TMEM63C: variants seen among roughly 807,000 people sequenced by gnomAD.
TMEM63C encodes transmembrane protein 63C.
Under a neutral mutation model 99.2 loss-of-function variants are expected in TMEM63C, and 32 were observed. The observed-to-expected ratio is 0.32, with a 90% CI of 0.24 to 0.43. TMEM63C has a LOEUF of 0.43. Ranked by LOEUF, TMEM63C falls within the 20% of genes least tolerant of loss-of-function variation. The pLI is 1.00. For synonymous variants in TMEM63C, 376 were observed against 397.9 expected (o/e 0.94, Z 0.66); for missense variants, 826 against 1,053.0 (o/e 0.78, Z 2.98).
At chr14:77,223,828 G>A (rs1888769710) in intron 5 of TMEM63C, among the ~76,000 whole-genome samples, 1 of 152,144 alleles carries the variant, frequency 6.6e-6, no homozygotes, top group Non-Finnish European at 1.5e-5. Context: ...CCAGGAAGAT[G>A]TGTCCCCAGT....
At chr14:77,189,627 A>G (rs1340554508) in intron 1 of TMEM63C, among the ~76,000 whole-genome samples, 4 of 152,234 alleles carry the variant, frequency 2.6e-5, no homozygotes, top group Admixed American at 1.3e-4. Context: ...CGGAATGTTT[A>G]CATTTGTTAA....
At chr14:77,240,337 G>A in intron 12 of TMEM63C, 138 bp from the exon 13 acceptor site, 1 of 984,582 alleles carries the variant, frequency 1.0e-6, no homozygotes, top group Non-Finnish European at 1.4e-6. Flanking sequence ...GACTTTGGAG[G>A]CCAGCCAGGG....
Position 77,240,554 on chromosome 14 carries a change from T to C in TMEM63C, c.1010T>C (p.Leu337Pro). 1 of 1,611,836 alleles carries C rather than the reference T, an allele frequency of 6.2e-7. No homozygotes were observed. The highest frequency in any genetic ancestry group is 8.5e-7 in the Non-Finnish European group (1 of 1,179,860). The change falls in exon 13 of 24, where the codon CTC becomes CCC. Residue 337 changes from leucine (L) to proline (P), a missense_variant. By Grantham distance (98) the Leu-to-Pro change is moderately conservative (BLOSUM62 -3). Transcript: ENST00000298351. ...AACGCCGAGCTCAACCGCGTGCCGC[T>C]CAAGCGGCTGGACCTGATCTTTGTC... The part of the protein sequence containing the change: ...EFNAELNRVP[L>P]KRLDLIFVTF...
intron 1 of TMEM63C, among the ~76,000 whole-genome samples, chr14:77,183,941 G>C (rs1448051172): frequency 6.6e-6 from 1 of 152,194 alleles, no homozygotes; most frequent in South Asian, 2.1e-4. Context: ...TCAGGCCTCA[G>C]AGAGGCCCCG....
intron 6 of TMEM63C, among the ~76,000 whole-genome samples, chr14:77,228,525 T>C (rs538066927): frequency 6.7e-6 from 1 of 149,564 alleles, no homozygotes; most frequent in African/African-American, 2.5e-5. Flanking sequence ...TTTGTAGTAT[T>C]GTTTAAAAAT....
intron 8 of TMEM63C, 52 bp from the exon 9 acceptor site, chr14:77,236,572 G>T: frequency 1.5e-6 from 2 of 1,321,228 alleles, no homozygotes; most frequent in Non-Finnish European, 2.2e-6. Context: ...TGTGCAGTGG[G>T]CTCTGGGGAG....
intron 23 of TMEM63C, among the ~76,000 whole-genome samples, chr14:77,253,889 CT>C: frequency 6.6e-6 from 1 of 152,220 alleles, no homozygotes; most frequent in Non-Finnish European, 1.5e-5. Context: ...GGTGCTGTCT[CT>C]CACACAGTGG....
In TMEM63C at chr14:77,258,043, G is replaced by A. The variant is rs1263515373; in HGVS notation, c.*1317G>A. The A allele has an allele frequency of 6.6e-6, 1 of 152,356 alleles. No homozygotes were observed. Among genetic ancestry groups the A allele is most frequent in the African/African-American group, 2.4e-5 (1 of 41,460 alleles). The allele number at this position is 152,356 out of a possible 1,614,324, so 9.4% of individuals were successfully genotyped here. A position where few individuals can be genotyped will look rare whatever the true frequency, so the allele number is the denominator to read the frequency against. Reference sequence around the variant, plus strand: ...AGTGATGGTGACACTCAGCACCTTTGCCACAGCCGGGGGGAACCGGCTTCT... The same window carrying A: ...AGTGATGGTGACACTCAGCACCTTTACCACAGCCGGGGGGAACCGGCTTCT... On this transcript the variant is annotated 3_prime_UTR_variant, in exon 24 of 24. Transcript: ENST00000298351.
intron 13 of TMEM63C, among the ~76,000 whole-genome samples, chr14:77,241,472 C>G (rs1889174698): frequency 6.6e-6 from 1 of 152,062 alleles, no homozygotes. Context: ...TAAAGGAGCT[C>G]CAGAATTTAT....
At chr14:77,227,991 G>T (rs1449947519) in intron 6 of TMEM63C, among the ~76,000 whole-genome samples, 1 of 152,170 alleles carries the variant, frequency 6.6e-6, no homozygotes, top group Non-Finnish European at 1.5e-5. Context: ...ACTTGAGCCT[G>T]GTTGTAGTTT....
intron 1 of TMEM63C, among the ~76,000 whole-genome samples, chr14:77,212,952 C>T (rs74069514): frequency 0.02 from 3,015 of 152,320 alleles, 99 homozygotes; most frequent in African/African-American, 0.07. Context: ...TCCCTAACCC[C>T]AAAGGCTGGG....
At chr14:77,227,481 A>C (rs1378531175) in intron 6 of TMEM63C, among the ~76,000 whole-genome samples, 1 of 152,224 alleles carries the variant, frequency 6.6e-6, no homozygotes, top group Non-Finnish European at 1.5e-5. Flanking sequence ...CTGACAAAGG[A>C]GCTGTTGAAA....
intron 12 of TMEM63C, 38 bp from the exon 13 acceptor site, chr14:77,240,437 G>A: frequency 1.9e-6 from 3 of 1,587,090 alleles, no homozygotes; most frequent in Admixed American, 1.7e-5. Context: ...CCTTCCTGGG[G>A]CTCTGGCCCC....
chr14:77,253,677 A>G (rs1889412684), intron 23 of TMEM63C, among the ~76,000 whole-genome samples: 1 of 152,246 alleles, frequency 6.6e-6, no homozygotes, highest in Non-Finnish European at 1.5e-5. Context: ...TCGGTCATGT[A>G]GACGCAGGGG....
At chr14:77,253,435 C>G (rs1372437543) in intron 23 of TMEM63C, 59 bp downstream of exon 23, 4 of 1,502,452 alleles carry the variant, frequency 2.7e-6, no homozygotes, top group African/African-American at 2.8e-5. Context: ...ATGGTCTACT[C>G]TAGTGGCATT....
At chr14:77,247,216 T>C (rs991658525) in intron 18 of TMEM63C, among the ~76,000 whole-genome samples, 1 of 152,238 alleles carries the variant, frequency 6.6e-6, no homozygotes, top group African/African-American at 2.4e-5. Context: ...TGCTTTTTTT[T>C]TTGAGACCAA....
intron 8 of TMEM63C, among the ~76,000 whole-genome samples, chr14:77,234,878 C>T (rs1339658528): frequency 6.6e-6 from 1 of 152,206 alleles, no homozygotes; most frequent in East Asian, 1.9e-4. Flanking sequence ...CTCACTTGGT[C>T]TGCTGTGCAA....
chr14:77,245,824 G>T, intron 16 of TMEM63C, 116 bp from the exon 17 acceptor site: 1 of 757,554 alleles, frequency 1.3e-6, no homozygotes, highest in South Asian at 1.5e-5. Flanking sequence ...ATGAGATTTG[G>T]GTGGGGACAC....
intron 1 of TMEM63C, among the ~76,000 whole-genome samples, chr14:77,202,862 CACACGCACACACA>C (rs1888325067): frequency 1.3e-5 from 1 of 79,142 alleles, no homozygotes. Flanking sequence ...CACACACACA[CACACGCACACACA>C]CCCCTCTACC....
Sources: gnomAD v4.1 joint callset for allele counts (sites outside exome capture counted in the v4.1 genomes callset) on GRCh38, gnomAD v4.1.1 for gene constraint, MANE v1.5 for transcripts, NCBI Gene and HGNC (gene_info 2026-07-23, HGNC 2026-07-21) for gene names.